The following FUT8 variants were observed in gnomAD, a reference collection of about 807,000 sequenced individuals.
FUT8 encodes the protein fucosyltransferase 8, also known as alpha-(1,6)-fucosyltransferase.
A neutral mutation model predicts 71.3 loss-of-function variants in FUT8; 29 were observed. That is an observed-to-expected ratio of 0.41 (90% confidence interval 0.30 to 0.55). The LOEUF is 0.55. Among genes scored for constraint, FUT8 ranks in the 20% least tolerant of loss-of-function variants. The pLI, the probability that FUT8 is intolerant of heterozygous loss-of-function variation, is 0.34. For missense variants in FUT8, 544 were observed against 702.1 expected (o/e 0.77, Z 2.55); for synonymous variants, 254 against 239.3 (o/e 1.06, Z -0.57).
chr14:65,553,741 T>A (rs1885423091), intron 2 of FUT8, among the ~76,000 whole-genome samples: 1 of 151,940 alleles, frequency 6.6e-6, no homozygotes, highest in African/African-American at 2.4e-5. Context: ...TTAAAGATGA[T>A]GCTCCATTGT....
intron 7 of FUT8, 127 bp from the exon 8 acceptor site, chr14:65,721,627 AGCAAGTTATTTAACTTCCTTT>A: frequency 1.2e-6 from 1 of 816,660 alleles, no homozygotes; most frequent in African/African-American, 1.7e-5. Flanking sequence ...TGGTATTTCG[AGCAAGTTATTTAACTTCCTTT>A]GTAAAGTGAA....
At chr14:65,502,806 A>G (rs1030700004) in intron 2 of FUT8, among the ~76,000 whole-genome samples, 5 of 152,202 alleles carry the variant, frequency 3.3e-5, no homozygotes, top group Non-Finnish European at 7.3e-5. Flanking sequence ...GAGCTTCTTC[A>G]ATTTTAATGT....
At chr14:65,485,736 T>C (rs1266103833) in intron 2 of FUT8, among the ~76,000 whole-genome samples, 3 of 152,250 alleles carry the variant, frequency 2.0e-5, no homozygotes, top group Admixed American at 1.3e-4. Flanking sequence ...TTCCCGGGGC[T>C]AGCTACCTTT....
rs551314432 is a variant in FUT8 at position 65,499,020 on chromosome 14, C to T, written c.-228+43302C>T. On this transcript the variant is annotated intron_variant, in intron 2 of 10. Transcript: ENST00000673929. ...GAATTAAGGAGGCATTGGGTAAGAA[C>T]GTGTCTCCCAACATAGGATTTCAGT... 1.8e-3 allele frequency among the ~76,000 whole-genome samples: 271 copies of T among 152,250 alleles called. 1 individual carries two copies. Among genetic ancestry groups the T allele is most frequent in the Non-Finnish European group, 2.7e-3 (184 of 68,010 alleles).
chr14:65,705,894 C>A (rs1894531207), intron 7 of FUT8, among the ~76,000 whole-genome samples: 1 of 152,138 alleles, frequency 6.6e-6, no homozygotes, highest in East Asian at 1.9e-4. Flanking sequence ...ATACTTTGGG[C>A]ATAAAGTGCT....
At chr14:65,505,014 T>C (rs943133084) in intron 2 of FUT8, among the ~76,000 whole-genome samples, 4 of 152,230 alleles carry the variant, frequency 2.6e-5, no homozygotes, top group African/African-American at 9.6e-5. Flanking sequence ...CTATTCTTAC[T>C]GAGACTACAT....
At chr14:65,439,954 G>GTGTATACATATATATATA in intron 1 of FUT8, among the ~76,000 whole-genome samples, 1 of 74,984 alleles carries the variant, frequency 1.3e-5, no homozygotes. Context: ...GTGTGTGTGT[G>GTGTATACATATATATATA]TATATATATA....
chr14:65,415,725 A>G (rs1471998705), intron 1 of FUT8, among the ~76,000 whole-genome samples: 1 of 151,296 alleles, frequency 6.6e-6, no homozygotes, highest in African/African-American at 2.4e-5. Flanking sequence ...CAATAAAAAA[A>G]TGGACCTTTT....
At chr14:65,490,773 A>G (rs2066470335) in intron 2 of FUT8, among the ~76,000 whole-genome samples, 1 of 152,104 alleles carries the variant, frequency 6.6e-6, no homozygotes, top group African/African-American at 2.4e-5. Context: ...GAGATTATAT[A>G]TAAGGGTTAT....
chr14:65,611,193 ACACACGCGCGCGCG>A lies in FUT8; in HGVS notation c.204-4783_204-4770del, dbSNP rs1279880072. On this transcript the variant is annotated intron_variant, in intron 3 of 10. Coordinates refer to ENST00000673929, the MANE Select transcript of FUT8 (RefSeq NM_001371533.1). ...TACATTTTAAGTGTCATACACACAC[ACACACGCGCGCGCG>A]CGCGCGCGCGCGCGCGCACACACAC... is the stretch of plus-strand genomic sequence containing the variant. Among the ~76,000 whole-genome samples, 28 of 3,422 alleles carry A rather than the reference ACACACGCGCGCGCG, an allele frequency of 8.2e-3. 4 individuals are homozygous for A. The highest frequency in any genetic ancestry group is 0.044 in the Admixed American group (10 of 226). The allele number at this position is 3,422 out of a possible 152,430, so 2.2% of individuals were successfully genotyped here.
chr14:65,358,963 A>G, the FUT8 span, among the ~76,000 whole-genome samples: 1 of 152,238 alleles, frequency 6.6e-6, no homozygotes, highest in Non-Finnish European at 1.5e-5. Context: ...CAACCAGAAC[A>G]CTATGACCAC....
chr14:65,481,909 C>T (rs1316595266), intron 2 of FUT8, among the ~76,000 whole-genome samples: 2 of 151,996 alleles, frequency 1.3e-5, no homozygotes, highest in Non-Finnish European at 2.9e-5. Flanking sequence ...ATGTATTTTT[C>T]CTGGACTGTT....
intron 7 of FUT8, among the ~76,000 whole-genome samples, chr14:65,684,855 CTT>C (rs536878417): frequency 7.7e-4 from 118 of 152,268 alleles, no homozygotes; most frequent in African/African-American, 2.6e-3. Context: ...AATTAAACCT[CTT>C]TTCTTTATAA....
At chr14:65,370,984 C>T in the FUT8 span, among the ~76,000 whole-genome samples, 133 of 152,282 alleles carry the variant, frequency 8.7e-4, no homozygotes, top group Non-Finnish European at 1.3e-3. Context: ...GGCGAAATTC[C>T]TGGAAGATAA....
intron 7 of FUT8, among the ~76,000 whole-genome samples, chr14:65,678,638 A>G (rs893717531): frequency 4.6e-5 from 7 of 152,224 alleles, no homozygotes; most frequent in African/African-American, 1.7e-4. Flanking sequence ...AAGAGAAGCA[A>G]AAATAGGCCC....
chr14:65,726,867 G>T (rs1365297916), intron 9 of FUT8, among the ~76,000 whole-genome samples: 1 of 152,212 alleles, frequency 6.6e-6, no homozygotes, highest in Non-Finnish European at 1.5e-5. Flanking sequence ...CCTAGATACA[G>T]TGGGGGTACA....
At chr14:65,551,404 AATT>A (rs1885274712) in intron 2 of FUT8, among the ~76,000 whole-genome samples, 1 of 152,184 alleles carries the variant, frequency 6.6e-6, no homozygotes, top group African/African-American at 2.4e-5. Flanking sequence ...GGAAATGAGG[AATT>A]ATTAGTCAAA....
chr14:65,664,330 T>G (rs572704825), intron 6 of FUT8, among the ~76,000 whole-genome samples: 2 of 152,254 alleles, frequency 1.3e-5, no homozygotes, highest in South Asian at 2.1e-4. Flanking sequence ...TCCCACATGA[T>G]ACCACACTCC....
the FUT8 span, among the ~76,000 whole-genome samples, chr14:65,386,052 T>G: frequency 6.6e-6 from 1 of 151,638 alleles, no homozygotes. Context: ...CTTGGGAGGC[T>G]GAGGTGGGAG....
Sources: allele counts gnomAD v4.1 joint callset (sites outside exome capture counted in the v4.1 genomes callset), GRCh38; gene constraint gnomAD v4.1.1; transcripts MANE v1.5; gene names NCBI Gene and HGNC (gene_info 2026-07-23, HGNC 2026-07-21).